Variants in SAXO1 observed in about 807,000 individuals in gnomAD.
SAXO1 encodes 4930500O09Rik.
Under a neutral mutation model 17.5 loss-of-function variants are expected in SAXO1, and 21 were observed. The observed-to-expected ratio is 1.20, with a 90% confidence interval of 0.85 to 1.72. The LOEUF (loss-of-function observed/expected upper bound fraction) is 1.72. Ranked by LOEUF, SAXO1 falls within the 40% of genes most tolerant of loss-of-function variation. SAXO1 has a pLI of 0.00. For missense variants in SAXO1, 843 were observed against 596.0 expected (o/e 1.41, Z -4.32); for synonymous variants, 274 against 216.5 (o/e 1.27, Z -2.33).
intron 1 of SAXO1, among the ~76,000 whole-genome samples, chr9:19,018,010 A>G (rs1480148334): frequency 6.6e-6 from 1 of 152,094 alleles, no homozygotes; most frequent in Non-Finnish European, 1.5e-5. Context: ...TCTACAAAAA[A>G]TACAAAAATT....
At position 18,941,547 on chromosome 9, in the gene SAXO1, C is replaced by T. The variant is rs919663891; in HGVS notation, c.421+90G>A. ...AGGAAGTAGTCTGCCAACTCTTGCACTAACTGAGTATGCACATAAAACACA... is the reference window on the plus strand; with the variant it reads ...AGGAAGTAGTCTGCCAACTCTTGCATTAACTGAGTATGCACATAAAACACA... On this transcript the variant is annotated intron_variant, in intron 3 of 3. Transcript: ENST00000380534. The T allele has an allele frequency of 3.4e-6, 5 of 1,464,238 alleles. No homozygotes were observed. In the African/African-American group the frequency reaches 5.6e-5, roughly 16 times the overall value. The allele number at this position is 1,464,238 out of a possible 1,614,324, so 90.7% of individuals were successfully genotyped here.
chr9:19,005,531 G>C (rs958277379), intron 1 of SAXO1, among the ~76,000 whole-genome samples: 3 of 152,156 alleles, frequency 2.0e-5, no homozygotes, highest in Non-Finnish European at 2.9e-5. Flanking sequence ...ATGTGGGAAG[G>C]ACAGCCTTTT....
At chr9:19,003,319 C>T (rs1228259982) in intron 1 of SAXO1, among the ~76,000 whole-genome samples, 2 of 152,140 alleles carry the variant, frequency 1.3e-5, no homozygotes, top group Non-Finnish European at 2.9e-5. Flanking sequence ...CCATACTGCC[C>T]AAAGTAATTT....
At chr9:19,048,090 C>G (rs113732085) in intron 1 of SAXO1, among the ~76,000 whole-genome samples, 1 of 152,160 alleles carries the variant, frequency 6.6e-6, no homozygotes, top group Non-Finnish European at 1.5e-5. Context: ...TTACTGCACA[C>G]GTTAACAGTA....
intron 1 of SAXO1, among the ~76,000 whole-genome samples, chr9:19,045,543 C>A (rs1201998391): frequency 6.6e-6 from 1 of 152,156 alleles, no homozygotes; most frequent in Non-Finnish European, 1.5e-5. Flanking sequence ...GGCCTATAAA[C>A]TGAATATTAG....
At position 19,013,635 on chromosome 9, in the gene SAXO1, C is replaced by A. The variant is rs1212978896; in HGVS notation, c.38+19236G>T. Among the ~76,000 whole-genome samples, 4 of 150,098 alleles carry A rather than the reference C, an allele frequency of 2.7e-5. No homozygotes were observed. The East Asian group carries it at 7.8e-4, about 29-fold the overall frequency. On this transcript the variant is annotated intron_variant, in intron 1 of 3. Coordinates refer to ENST00000380534, the MANE Select transcript of SAXO1 (RefSeq NM_153707.4). ...AATCTCCGCTCACTGCAACCTCTGC[C>A]TCCCGGGTTCAAGTGATTCTCCTGC...
At chr9:18,949,465 A>AG (rs2131725102) in intron 2 of SAXO1, among the ~76,000 whole-genome samples, 1 of 152,070 alleles carries the variant, frequency 6.6e-6, no homozygotes, top group South Asian at 2.1e-4. Context: ...TTAAAAAAAA[A>AG]ATTTTTTTTA....
At chr9:18,948,772 C>T (rs914402640) in intron 2 of SAXO1, among the ~76,000 whole-genome samples, 1 of 152,162 alleles carries the variant, frequency 6.6e-6, no homozygotes, top group African/African-American at 2.4e-5. Context: ...CAACAACCAA[C>T]CTTCAAAGCA....
Position 18,928,017 on chromosome 9 carries a change from G to GTAC in SAXO1, c.*32_*34dup. 6.6e-7 allele frequency: 1 copy of GTAC among 1,508,632 alleles called. No individual in the cohort carries two copies. Among genetic ancestry groups the GTAC allele is most frequent in the Non-Finnish European group, 8.9e-7 (1 of 1,124,912 alleles). 93.5% of individuals were successfully genotyped at this position (1,508,632 alleles called of 1,614,324 possible). On this transcript the variant is annotated 3_prime_UTR_variant, in exon 4 of 4. Transcript: ENST00000380534. ...AATTCTCAGTTGTCTGCTTTTAAAA[G>GTAC]TACTGTGTAATTTCTAAATTACTAT...
chr9:18,936,114 G>C (rs762370480), intron 3 of SAXO1, among the ~76,000 whole-genome samples: 2 of 152,172 alleles, frequency 1.3e-5, no homozygotes. Flanking sequence ...TTTTTGGGAA[G>C]AGGATTTGCC....
At chr9:19,014,038 G>A (rs1042877974) in intron 1 of SAXO1, among the ~76,000 whole-genome samples, 9 of 152,112 alleles carry the variant, frequency 5.9e-5, no homozygotes, top group African/African-American at 1.2e-4. Flanking sequence ...AGAGTTAAAC[G>A]TCCTCAGGAT....
intron 1 of SAXO1, among the ~76,000 whole-genome samples, chr9:18,978,494 T>C (rs1833243182): frequency 6.6e-6 from 1 of 152,210 alleles, no homozygotes; most frequent in African/African-American, 2.4e-5. Context: ...GGGTCAGCTG[T>C]CAAGTAATCT....
chr9:18,956,110 A>ACTTTTTT (rs1554670629), intron 1 of SAXO1, among the ~76,000 whole-genome samples: 1 of 128,812 alleles, frequency 7.8e-6, no homozygotes. Flanking sequence ...AACCTGGCTA[A>ACTTTTTT]TTTTTTTTTT....
chr9:18,938,061 C>T (rs2131688923), intron 3 of SAXO1, among the ~76,000 whole-genome samples: 1 of 152,222 alleles, frequency 6.6e-6, no homozygotes, highest in East Asian at 1.9e-4. Flanking sequence ...GTTCCAAGAA[C>T]AAAAACCCTG....
chr9:19,025,667 T>A (rs919863000), intron 1 of SAXO1, among the ~76,000 whole-genome samples: 6 of 152,200 alleles, frequency 3.9e-5, no homozygotes, highest in Non-Finnish European at 8.8e-5. Context: ...TCATGATACA[T>A]TAACCAGTCC....
intron 1 of SAXO1, among the ~76,000 whole-genome samples, chr9:18,997,881 G>A (rs1262324279): frequency 2.6e-5 from 4 of 152,222 alleles, no homozygotes. Context: ...TGAGGGGCCT[G>A]TCTGTTAGAA....
chr9:19,030,648 G>C (rs187861652), intron 1 of SAXO1, among the ~76,000 whole-genome samples: 1 of 152,016 alleles, frequency 6.6e-6, no homozygotes, highest in Admixed American at 6.6e-5. Flanking sequence ...GGAGGTTGCA[G>C]TGAGCAGAGA....
chr9:18,969,817 G>A (rs542751447), intron 1 of SAXO1, among the ~76,000 whole-genome samples: 24 of 152,290 alleles, frequency 1.6e-4, no homozygotes, highest in South Asian at 1.2e-3. Flanking sequence ...TATTACTTTT[G>A]CTATGGCTGC....
chr9:18,932,268 C>T (rs1051065659), intron 3 of SAXO1, among the ~76,000 whole-genome samples: 4 of 152,200 alleles, frequency 2.6e-5, no homozygotes, highest in African/African-American at 9.7e-5. Context: ...TGTCCCAGCA[C>T]CATTCATCAA....
Sources: allele counts gnomAD v4.1 joint callset (sites outside exome capture counted in the v4.1 genomes callset), GRCh38; gene constraint gnomAD v4.1.1; transcripts MANE v1.5; gene names NCBI Gene and HGNC (gene_info 2026-07-23, HGNC 2026-07-21).